SYTL2: variants seen among roughly 807,000 people sequenced by gnomAD.
The protein encoded by SYTL2 is synaptotagmin like 2.
In SYTL2, 165 loss-of-function variants were observed where a neutral mutation model predicts 198.7. The observed-to-expected ratio is 0.83, with a 90% CI of 0.73 to 0.94. The LOEUF (loss-of-function observed/expected upper bound fraction) is 0.94, where lower values mean the gene tolerates loss of function less well. SYTL2 is among the 40% of genes least tolerant of loss of function. SYTL2 has a pLI of 0.00. For synonymous variants in SYTL2, 966 were observed against 917.7 expected (o/e 1.05, Z -0.95); for missense variants, 2,835 against 2,582.8 (o/e 1.10, Z -2.12).
At position 85,748,270 on chromosome 11, in the gene SYTL2, A is replaced by C. The variant is rs771284426; in HGVS notation, c.253+2T>G. 5 of 1,611,972 alleles carry C rather than the reference A, an allele frequency of 3.1e-6. No homozygotes were observed. In the Admixed American group the frequency reaches 8.3e-5, roughly 27 times the overall value. On this transcript the variant is annotated splice_donor_variant, in intron 3 of 19. Transcript: ENST00000359152. LOFTEE classifies it high-confidence loss of function. ...GTAAATGCACTAGCCAAGTCAACTCACCTGCTATCTGGGGCCTCTTCTTTC... is the reference window on the plus strand; with the variant it reads ...GTAAATGCACTAGCCAAGTCAACTCCCCTGCTATCTGGGGCCTCTTCTTTC...
chr11:85,812,446 C>A (rs961308229), upstream of SYTL2, among the ~76,000 whole-genome samples: 1 of 152,182 alleles, frequency 6.6e-6, no homozygotes, highest in Admixed American at 6.5e-5. Context: ...TGTCCCTGTG[C>A]TGGGTGAGCA....
chr11:85,745,588 A>G, intron 4 of SYTL2, 49 bp downstream of exon 4: 1 of 1,585,248 alleles, frequency 6.3e-7, no homozygotes, highest in Admixed American at 1.7e-5. Flanking sequence ...GTGACACCCC[A>G]GGCCATGAAA....
rs374731893 is a variant in SYTL2, at chr11:85,748,372, G to C, written c.153C>G (p.Gly51=). 5.6e-6 allele frequency: 9 copies of C among 1,613,802 alleles called. No individual in the cohort carries two copies. In the African/African-American group the frequency reaches 1.1e-4, roughly 19 times the overall value. ...TTGCCTTGGCTTCATAAAACCATTG[G>C]CCACTCATATTCTTCAGCTGCTGGT... ...KDDQQLKNMS[G]QWFYEAKAKR... Residue 51 remains glycine, a synonymous_variant, in exon 3 of 20, where the codon GGC becomes GGG. Coordinates refer to ENST00000359152, the MANE Select transcript of SYTL2 (RefSeq NM_206927.4).
intron 1 of SYTL2, among the ~76,000 whole-genome samples, chr11:85,797,978 C>G (rs951577145): frequency 6.6e-6 from 1 of 151,408 alleles, no homozygotes; most frequent in Non-Finnish European, 1.5e-5. Flanking sequence ...CTCAGCCTCC[C>G]GAGTAGCTGG....
At chr11:85,706,011 T>C (rs975529850) in intron 15 of SYTL2, among the ~76,000 whole-genome samples, 2 of 152,180 alleles carry the variant, frequency 1.3e-5, no homozygotes, top group African/African-American at 4.8e-5. Context: ...ACAACACTTA[T>C]TTTTAGTTTT....
chr11:85,841,432 A>G, the SYTL2 span, among the ~76,000 whole-genome samples: 9 of 152,252 alleles, frequency 5.9e-5, no homozygotes, highest in African/African-American at 1.4e-4. Flanking sequence ...ATTACCATCA[A>G]TGGTAGACTG....
At chr11:85,753,215 G>A (rs1591908412) in intron 2 of SYTL2, among the ~76,000 whole-genome samples, 1 of 152,236 alleles carries the variant, frequency 6.6e-6, no homozygotes, top group East Asian at 1.9e-4. Context: ...GTATGGTTAT[G>A]TTTCCTTAAA....
intron 1 of SYTL2, among the ~76,000 whole-genome samples, chr11:85,759,466 C>T (rs1302082049): frequency 1.3e-5 from 2 of 152,144 alleles, no homozygotes; most frequent in African/African-American, 4.8e-5. Flanking sequence ...GGATGTCCCT[C>T]ACAGATTGTA....
Position 85,725,959 on chromosome 11 carries a change from A to T in SYTL2, c.3399T>A (p.Asn1133Lys), listed in dbSNP as rs753142960. 8 of 1,614,080 alleles carry T rather than the reference A, an allele frequency of 5.0e-6. No homozygotes were observed. Among genetic ancestry groups the T allele is most frequent in the Non-Finnish European group, 6.8e-6 (8 of 1,180,010 alleles). The change falls in exon 8 of 20, where the codon AAT (asparagine) becomes AAA (lysine). Residue 1133 changes from asparagine to lysine, a missense_variant. Transcript: ENST00000359152. Reference sequence around the variant, plus strand: ...CTGAAAGCAGTTTCTGCAAGCTGTCATTAAAAGTGTCTTTGCAGTCTTTAG... The same window carrying T: ...CTGAAAGCAGTTTCTGCAAGCTGTCTTTAAAAGTGTCTTTGCAGTCTTTAG... ...VLSKDCKDTF[N>K]DSLQKLLSET... is the part of the protein sequence containing the mutation.
the SYTL2 span, among the ~76,000 whole-genome samples, chr11:85,851,329 T>C: frequency 1.3e-5 from 2 of 152,258 alleles, no homozygotes; most frequent in East Asian, 3.8e-4. Context: ...GTAAAATGTC[T>C]GATTTACCAA....
chr11:85,844,391 T>C, the SYTL2 span, among the ~76,000 whole-genome samples: 11 of 152,324 alleles, frequency 7.2e-5, no homozygotes, highest in African/African-American at 1.9e-4. Context: ...TTTGCTAATA[T>C]TGGTACATAT....
the SYTL2 span, among the ~76,000 whole-genome samples, chr11:85,837,655 A>G: frequency 6.6e-5 from 10 of 152,342 alleles, no homozygotes; most frequent in African/African-American, 2.2e-4. Context: ...CCCTAGTGAC[A>G]GCAGAACCAG....
intron 2 of SYTL2, among the ~76,000 whole-genome samples, chr11:85,752,391 G>A (rs2091565961): frequency 6.6e-6 from 1 of 152,040 alleles, no homozygotes; most frequent in South Asian, 2.1e-4. Context: ...CTTGCCCAAG[G>A]TCACACAGAG....
rs374117063 is a variant in SYTL2, at chr11:85,794,475, A to G, written c.-390+16479T>C. ...ATTACAGTCACGAGCCACCACGCCCAGCCAGTTTTAAATTTTAAAGGACAA... is the reference window on the plus strand; with the variant it reads ...ATTACAGTCACGAGCCACCACGCCCGGCCAGTTTTAAATTTTAAAGGACAA... On this transcript the variant is annotated intron_variant, in intron 1 of 19. Coordinates refer to ENST00000359152, the MANE Select transcript of SYTL2 (RefSeq NM_206927.4). 9.8e-5 allele frequency among the ~76,000 whole-genome samples: 15 copies of G among 152,306 alleles called. No homozygotes were observed. The East Asian group carries it at 2.9e-3, about 29-fold the overall frequency.
At chr11:85,741,686 CA>C (rs2090798941) in intron 4 of SYTL2, among the ~76,000 whole-genome samples, 2 of 152,154 alleles carry the variant, frequency 1.3e-5, no homozygotes, top group Admixed American at 6.5e-5. Context: ...ACCTTACACT[CA>C]TCTTAATACT....
At chr11:85,732,476 G>T (rs2089915047) in intron 7 of SYTL2, among the ~76,000 whole-genome samples, 2 of 152,130 alleles carry the variant, frequency 1.3e-5, no homozygotes, top group South Asian at 4.1e-4. Context: ...ATCATTCTCA[G>T]CAAACTATCA....
intron 1 of SYTL2, among the ~76,000 whole-genome samples, chr11:85,779,589 T>C (rs1190727734): frequency 6.6e-6 from 1 of 152,092 alleles, no homozygotes; most frequent in Non-Finnish European, 1.5e-5. Flanking sequence ...ATTTCAAATG[T>C]TCATTTCAAA....
chr11:85,820,028 T>G, the SYTL2 span, among the ~76,000 whole-genome samples: 1 of 152,226 alleles, frequency 6.6e-6, no homozygotes, highest in Admixed American at 6.5e-5. Flanking sequence ...CGCAGATCAT[T>G]TCATTTTAGA....
chr11:85,847,204 C>T, the SYTL2 span, among the ~76,000 whole-genome samples: 1 of 152,260 alleles, frequency 6.6e-6, no homozygotes, highest in Admixed American at 6.5e-5. Context: ...ACTCTCCTGC[C>T]CCCTTGCAGT....
Sources: allele counts gnomAD v4.1 joint callset (sites outside exome capture counted in the v4.1 genomes callset), GRCh38; gene constraint gnomAD v4.1.1; transcripts MANE v1.5; gene names NCBI Gene and HGNC (gene_info 2026-07-23, HGNC 2026-07-21).